TSPAN12: variants seen among roughly 807,000 people sequenced by gnomAD.
TSPAN12 encodes tetraspanin-12.
TSPAN12 carries 19 observed loss-of-function variants against 39.2 expected under a neutral mutation model. The ratio of observed to expected loss-of-function variants is 0.49; its 90% CI spans 0.34 to 0.71. The LOEUF (loss-of-function observed/expected upper bound fraction) is 0.71, where lower values mean the gene tolerates loss of function less well. Ranked by LOEUF, TSPAN12 falls within the 30% of genes least tolerant of loss-of-function variation. The pLI is 0.01. For synonymous variants in TSPAN12, 119 were observed against 124.8 expected, an observed-to-expected ratio of 0.95 and a Z score of 0.31; for missense variants, 314 against 359.9, an observed-to-expected ratio of 0.87 and a Z score of 1.03.
intron 7 of TSPAN12, among the ~76,000 whole-genome samples, chr7:120,800,199 T>A (rs1413339684): frequency 6.6e-6 from 1 of 152,074 alleles, no homozygotes; most frequent in African/African-American, 2.4e-5. Flanking sequence ...TGTGAATTCA[T>A]GAACTCAAAC....
intron 7 of TSPAN12, among the ~76,000 whole-genome samples, chr7:120,789,863 G>A (rs1242399186): frequency 6.6e-6 from 1 of 152,114 alleles, no homozygotes; most frequent in African/African-American, 2.4e-5. Context: ...TGTTCAACAT[G>A]GAGGGTCCAT....
intron 2 of TSPAN12, 29 bp from the exon 3 acceptor site, chr7:120,840,138 C>G: frequency 6.5e-7 from 1 of 1,532,582 alleles, no homozygotes; most frequent in Non-Finnish European, 9.0e-7. Context: ...AAACCGGTTA[C>G]CAAAGATTTA....
At position 120,810,361 on chromosome 7, in the gene TSPAN12, T is replaced by A. The variant is rs542395958; in HGVS notation, c.468+102A>T. On this transcript the variant is annotated intron_variant, in intron 6 of 7. Coordinates refer to ENST00000222747, the MANE Select transcript of TSPAN12 (RefSeq NM_012338.4). ...GAGGTTACTGAATCACAGGCTTAAT[T>A]TTTCAGCACAGAGGAAATTACCAAA... The A allele has an allele frequency of 1.1e-4, 87 of 794,254 alleles. No homozygotes were observed. The South Asian group carries it at 1.2e-3, about 11-fold the overall frequency. 49.2% of individuals were successfully genotyped at this position (794,254 alleles called of 1,614,324 possible). A position where few individuals can be genotyped will look rare whatever the true frequency, so the allele number is the denominator to read the frequency against.
At chr7:120,821,914 C>T (rs890791415) in intron 4 of TSPAN12, among the ~76,000 whole-genome samples, 3 of 152,096 alleles carry the variant, frequency 2.0e-5, no homozygotes, top group Non-Finnish European at 4.4e-5. Context: ...TAGTAAAATC[C>T]CTGTCCAGTG....
chr7:120,849,606 C>T (rs550406852), intron 2 of TSPAN12, among the ~76,000 whole-genome samples: 17 of 152,302 alleles, frequency 1.1e-4, no homozygotes, highest in African/African-American at 4.1e-4. Flanking sequence ...AAGAGAGGAA[C>T]ATAAAAGACC....
At chr7:120,799,232 G>A (rs1274679778) in intron 7 of TSPAN12, among the ~76,000 whole-genome samples, 1 of 151,482 alleles carries the variant, frequency 6.6e-6, no homozygotes, top group Non-Finnish European at 1.5e-5. Context: ...AATAACCAGA[G>A]AGCTGGGTTG....
In TSPAN12 at chr7:120,840,008, C is replaced by T; in HGVS notation, c.149+19G>A. ...TAAAATCAGCAAGAAAGAATTCAATCAATAATTATAAAGTATACCTCGTTT... is the reference window on the plus strand; with the variant it reads ...TAAAATCAGCAAGAAAGAATTCAATTAATAATTATAAAGTATACCTCGTTT... On this transcript the variant is annotated intron_variant, in intron 3 of 7. Coordinates refer to ENST00000222747, the MANE Select transcript of TSPAN12 (RefSeq NM_012338.4). 6.3e-7 allele frequency: 1 copy of T among 1,575,680 alleles called. No individual in the cohort carries two copies. The highest frequency in any genetic ancestry group is 8.7e-7 in the Non-Finnish European group (1 of 1,145,352).
At chr7:120,820,870 T>A (rs1794175926) in intron 4 of TSPAN12, among the ~76,000 whole-genome samples, 1 of 152,142 alleles carries the variant, frequency 6.6e-6, no homozygotes, top group African/African-American at 2.4e-5. Flanking sequence ...CTCCCCTTGA[T>A]TTCTGCCTAC....
intron 4 of TSPAN12, among the ~76,000 whole-genome samples, chr7:120,829,958 A>T (rs1184682014): frequency 6.6e-6 from 1 of 152,114 alleles, no homozygotes. Flanking sequence ...TAAAGACCCA[A>T]CACTAAGGCC....
At chr7:120,827,718 C>G (rs1370754549) in intron 4 of TSPAN12, among the ~76,000 whole-genome samples, 2 of 152,182 alleles carry the variant, frequency 1.3e-5, no homozygotes, top group African/African-American at 4.8e-5. Flanking sequence ...AAAGCATATC[C>G]ATTATCTCTA....
intron 4 of TSPAN12, among the ~76,000 whole-genome samples, chr7:120,817,403 GATT>G (rs67405070): frequency 0.38 from 58,104 of 151,232 alleles, 13,044 homozygotes; most frequent in African/African-American, 0.63. Flanking sequence ...AAAAAGTGTA[GATT>G]ATTTGAAGCC....
Position 120,804,158 on chromosome 7 carries a change from C to T in TSPAN12, c.612+2391G>A, listed in dbSNP as rs570598230. ...TAAAAACTAACAAATGGACAATTCACACTAGGAAATTTGGTAGGTTTCAAT... is the reference window on the plus strand; with the variant it reads ...TAAAAACTAACAAATGGACAATTCATACTAGGAAATTTGGTAGGTTTCAAT... On this transcript the variant is annotated intron_variant, in intron 7 of 7. Transcript: ENST00000222747. Among the ~76,000 whole-genome samples, 7 of 152,244 alleles carry T rather than the reference C, an allele frequency of 4.6e-5. No individual in the cohort carries two copies. The South Asian group carries it at 1.5e-3, about 32-fold the overall frequency.
intron 2 of TSPAN12, among the ~76,000 whole-genome samples, chr7:120,850,691 G>T (rs980644763): frequency 1.3e-5 from 2 of 151,362 alleles, no homozygotes; most frequent in Admixed American, 6.6e-5. Flanking sequence ...GAGACTAAAA[G>T]ATTTTTTTTT....
In TSPAN12 at chr7:120,812,655, TC is replaced by T. The variant is rs954753599; in HGVS notation, c.361-2086del. ...CCAAACACTTGGGCACACATTTTTT[TC>T]CCCCAAATAATGGGCTAAACGGGTG... On this transcript the variant is annotated intron_variant, in intron 5 of 7. Coordinates refer to ENST00000222747, the MANE Select transcript of TSPAN12 (RefSeq NM_012338.4). Among the ~76,000 whole-genome samples the T allele has an allele frequency of 6.0e-4, 91 of 152,294 alleles. 1 individual carries two copies. Among genetic ancestry groups the T allele is most frequent in the Admixed American group, 4.8e-3 (74 of 15,292 alleles).
intron 5 of TSPAN12, among the ~76,000 whole-genome samples, chr7:120,811,870 A>G (rs757615363): frequency 8.6e-5 from 13 of 151,998 alleles, no homozygotes; most frequent in Non-Finnish European, 1.5e-4. Context: ...AAGCCATAAG[A>G]ATAATACAAT....
At position 120,787,458 on chromosome 7, in the gene TSPAN12, T is replaced by C. The variant is rs1405683680; in HGVS notation, c.*1134A>G. 1 of 152,592 alleles carries C rather than the reference T, an allele frequency of 6.6e-6. No individual in the cohort carries two copies. Among genetic ancestry groups the C allele is most frequent in the Admixed American group, 6.5e-5 (1 of 15,280 alleles). 9.5% of individuals were successfully genotyped at this position (152,592 alleles called of 1,614,324 possible). On this transcript the variant is annotated 3_prime_UTR_variant, in exon 8 of 8. Transcript: ENST00000222747. ...ACTATACTCTTGTAAAAAAATTTAA[T>C]AATCTGTGTAATTTGCCACAGTATA...
chr7:120,808,744 T>C (rs1793922254), intron 6 of TSPAN12, among the ~76,000 whole-genome samples: 1 of 152,114 alleles, frequency 6.6e-6, no homozygotes, highest in African/African-American at 2.4e-5. Context: ...TTGCACTGAA[T>C]GAGGAGCAAA....
chr7:120,855,144 T>C (rs1794847324), intron 2 of TSPAN12, among the ~76,000 whole-genome samples: 1 of 152,246 alleles, frequency 6.6e-6, no homozygotes, highest in South Asian at 2.1e-4. Flanking sequence ...AGCTTTATTC[T>C]TTATTAAACA....
intron 2 of TSPAN12, among the ~76,000 whole-genome samples, chr7:120,841,825 G>A (rs1794584738): frequency 6.6e-6 from 1 of 152,026 alleles, no homozygotes; most frequent in Admixed American, 6.6e-5. Context: ...GTTGAAACTG[G>A]GTAATGAATA....
Sources: allele counts gnomAD v4.1 joint callset (sites outside exome capture counted in the v4.1 genomes callset), GRCh38; gene constraint gnomAD v4.1.1; transcripts MANE v1.5; gene names NCBI Gene and HGNC (gene_info 2026-07-23, HGNC 2026-07-21).